The following HSD17B11 variants were observed in gnomAD, a reference collection of about 807,000 sequenced individuals.
The protein encoded by HSD17B11 is hydroxysteroid 17-beta dehydrogenase 11, also known as estradiol 17-beta-dehydrogenase 11.
In HSD17B11, 22 loss-of-function variants were observed where a neutral mutation model predicts 27.8. The ratio of observed to expected loss-of-function variants is 0.79; its 90% CI spans 0.56 to 1.13. The LOEUF is 1.13. HSD17B11 is among the 50% of genes most tolerant of loss of function. The probability of loss-of-function intolerance (pLI) is 0.00; values close to 1 mark genes in which losing one functional copy is unlikely to be tolerated. For missense variants in HSD17B11, 314 were observed against 351.1 expected, an observed-to-expected ratio of 0.89 and a Z score of 0.84; for synonymous variants, 117 against 132.8, an observed-to-expected ratio of 0.88 and a Z score of 0.82.
chr4:87,384,263 C>G (rs138458224), intron 1 of HSD17B11, among the ~76,000 whole-genome samples: 141 of 152,316 alleles, frequency 9.3e-4, no homozygotes, highest in African/African-American at 3.1e-3. Flanking sequence ...CTGTTATCTT[C>G]ATAAGCTGAG....
At chr4:87,365,514 C>CT (rs533916989) in intron 4 of HSD17B11, among the ~76,000 whole-genome samples, 58 of 152,304 alleles carry the variant, frequency 3.8e-4, no homozygotes, top group African/African-American at 1.3e-3. Flanking sequence ...CCATCAGATT[C>CT]TAGATAAGGC....
At chr4:87,378,867 A>T (rs368647397) in intron 2 of HSD17B11, among the ~76,000 whole-genome samples, 1,200 of 13,282 alleles carry the variant, frequency 0.09, 244 homozygotes, top group South Asian at 0.15. Flanking sequence ...AATATATATA[A>T]ATATATATAT....
intron 1 of HSD17B11, among the ~76,000 whole-genome samples, chr4:87,385,045 G>C (rs1412558219): frequency 1.3e-5 from 2 of 152,006 alleles, no homozygotes; most frequent in African/African-American, 4.8e-5. Context: ...TGAAATATTG[G>C]GGGCAGGTTC....
At chr4:87,382,766 T>C (rs1720208935) in intron 1 of HSD17B11, among the ~76,000 whole-genome samples, 1 of 152,202 alleles carries the variant, frequency 6.6e-6, no homozygotes, top group South Asian at 2.1e-4. Flanking sequence ...AAATAATGAG[T>C]TAACCACAGT....
rs143004479 is a variant in HSD17B11, at chr4:87,363,464, G to A, written c.558-6048C>T. 4.4e-3 allele frequency among the ~76,000 whole-genome samples: 667 copies of A among 152,242 alleles called. 9 individuals are homozygous for A. The highest frequency in any genetic ancestry group is 0.016 in the African/African-American group (645 of 41,532). ...ATGGGCTTAGAACACCTGTAAGCCC[G>A]CTTTTCAAGACTACCCAGCAAGCTG... On this transcript the variant is annotated intron_variant, in intron 4 of 6. Coordinates refer to ENST00000358290, the MANE Select transcript of HSD17B11 (RefSeq NM_016245.5).
chr4:87,338,501 T>C (rs1428859400), intron 6 of HSD17B11, among the ~76,000 whole-genome samples: 10 of 152,198 alleles, frequency 6.6e-5, no homozygotes, highest in Admixed American at 6.5e-4. Flanking sequence ...CATATAACAT[T>C]TATTGAGTAC....
intron 5 of HSD17B11, among the ~76,000 whole-genome samples, chr4:87,356,011 A>G (rs1408082923): frequency 1.3e-5 from 2 of 152,218 alleles, no homozygotes; most frequent in Admixed American, 6.5e-5. Flanking sequence ...AGGAAGTGCA[A>G]TGTCCAAAAA....
intron 6 of HSD17B11, among the ~76,000 whole-genome samples, chr4:87,338,031 C>T (rs1357115468): frequency 6.6e-6 from 1 of 152,182 alleles, no homozygotes; most frequent in Non-Finnish European, 1.5e-5. Flanking sequence ...TCCTGGCTAA[C>T]ACGGTGAAAC....
intron 2 of HSD17B11, among the ~76,000 whole-genome samples, chr4:87,380,863 CAAAAAAAA>C (rs561938045): frequency 0.024 from 1,764 of 74,644 alleles, 65 homozygotes; most frequent in African/African-American, 0.093. Context: ...GACTCTATCT[CAAAAAAAA>C]AAAAAAAAAA....
intron 1 of HSD17B11, 143 bp from the exon 2 acceptor site, chr4:87,382,505 G>T: frequency 1.9e-6 from 1 of 536,288 alleles, no homozygotes; most frequent in South Asian, 3.4e-5. Context: ...ACACATTTTT[G>T]GCAGGTATAT....
At chr4:87,365,548 G>A (rs1369986544) in intron 4 of HSD17B11, among the ~76,000 whole-genome samples, 1 of 152,128 alleles carries the variant, frequency 6.6e-6, no homozygotes, top group African/African-American at 2.4e-5. Context: ...CTATGCTGGA[G>A]AGTCAGCCCT....
At chr4:87,380,480 AAAAAAAAAG>A (rs895205385) in intron 2 of HSD17B11, among the ~76,000 whole-genome samples, 3 of 137,634 alleles carry the variant, frequency 2.2e-5, no homozygotes, top group African/African-American at 8.2e-5. Context: ...CAAAAAAAAA[AAAAAAAAAG>A]AAAAAAGAAA....
intron 5 of HSD17B11, among the ~76,000 whole-genome samples, chr4:87,356,235 T>C (rs2110116809): frequency 6.6e-6 from 1 of 152,286 alleles, no homozygotes; most frequent in South Asian, 2.1e-4. Context: ...ACAAGTTATA[T>C]ACCCTTTGGC....
chr4:87,384,866 AC>A (rs1163836735), intron 1 of HSD17B11, among the ~76,000 whole-genome samples: 1 of 151,576 alleles, frequency 6.6e-6, no homozygotes, highest in Non-Finnish European at 1.5e-5. Flanking sequence ...CTGTTCTTAC[AC>A]CCCCACCCCT....
At chr4:87,355,438 A>G (rs1735365588) in intron 5 of HSD17B11, among the ~76,000 whole-genome samples, 1 of 152,152 alleles carries the variant, frequency 6.6e-6, no homozygotes, top group Admixed American at 6.5e-5. Context: ...CACAGAACCT[A>G]AAGTCCATGA....
In HSD17B11 at chr4:87,365,802, G is replaced by C. The variant is rs575400426; in HGVS notation, c.557+6907C>G. Reference sequence around the variant, plus strand: ...GGGAATGCGGATTATTTTCTGCCTAGATTAAAGTGTTAAAGGATTGTGTTA... The same window carrying C: ...GGGAATGCGGATTATTTTCTGCCTACATTAAAGTGTTAAAGGATTGTGTTA... On this transcript the variant is annotated intron_variant, in intron 4 of 6. Transcript: ENST00000358290. 64 of 150,208 alleles carry C rather than the reference G, an allele frequency of 4.3e-4. 1 individual carries two copies. Among genetic ancestry groups the C allele is most frequent in the African/African-American group, 1.5e-3 (62 of 40,678 alleles). 9.3% of individuals were successfully genotyped at this position (150,208 alleles called of 1,614,324 possible).
chr4:87,364,140 G>T (rs1230922952), intron 4 of HSD17B11, among the ~76,000 whole-genome samples: 2 of 146,710 alleles, frequency 1.4e-5, no homozygotes, highest in Non-Finnish European at 3.0e-5. Context: ...AATTATTTTT[G>T]TTTTTTTGTT....
chr4:87,383,851 T>C (rs1475064880), intron 1 of HSD17B11, among the ~76,000 whole-genome samples: 16 of 152,060 alleles, frequency 1.1e-4, no homozygotes, highest in African/African-American at 7.3e-5. Context: ...GGAAAAGTAA[T>C]TGCTGTTTTT....
chr4:87,338,709 T>C (rs1578451224), intron 6 of HSD17B11, among the ~76,000 whole-genome samples: 1 of 152,226 alleles, frequency 6.6e-6, no homozygotes, highest in South Asian at 2.1e-4. Flanking sequence ...CTAATGTTTT[T>C]GATTTCTAGT....
Sources: allele counts gnomAD v4.1 joint callset (sites outside exome capture counted in the v4.1 genomes callset), GRCh38; gene constraint gnomAD v4.1.1; transcripts MANE v1.5; gene names NCBI Gene and HGNC (gene_info 2026-07-23, HGNC 2026-07-21).